Variants in AOPEP observed in about 807,000 individuals in gnomAD.
AOPEP encodes the protein aminopeptidase O (putative).
AOPEP carries 77 observed loss-of-function variants against 98.1 expected under a neutral mutation model. The observed-to-expected ratio is 0.78, with a 90% CI of 0.65 to 0.95. The LOEUF (loss-of-function observed/expected upper bound fraction) is 0.95, where lower values mean the gene tolerates loss of function less well. Ranked by LOEUF, AOPEP falls within the 40% of genes least tolerant of loss-of-function variation. The probability of loss-of-function intolerance (pLI) is 0.00; values close to 1 mark genes in which losing one functional copy is unlikely to be tolerated. For missense variants in AOPEP, 1,024 were observed against 1,024.7 expected, an observed-to-expected ratio of 1.00 and a Z score of 0.01; for synonymous variants, 346 against 365.3, an observed-to-expected ratio of 0.95 and a Z score of 0.60.
intron 4 of AOPEP, among the ~76,000 whole-genome samples, chr9:94,799,435 G>T (rs1259091309): frequency 3.3e-5 from 5 of 151,698 alleles, no homozygotes; most frequent in Admixed American, 6.6e-5. Flanking sequence ...GATGTGGCAT[G>T]GCAACATGCC....
At chr9:95,085,935 G>A in intron 16 of AOPEP, 1 of 1,300,884 alleles carries the variant, frequency 7.7e-7, no homozygotes, top group Non-Finnish European at 1.0e-6. Flanking sequence ...TGCAGTCCAG[G>A]CCTTCGCGTC....
the AOPEP span, among the ~76,000 whole-genome samples, chr9:95,139,236 C>A: frequency 6.6e-6 from 1 of 152,100 alleles, no homozygotes; most frequent in African/African-American, 2.4e-5. Context: ...GGAAACGCAC[C>A]GACGTGGTCT....
chr9:94,986,647 G>T (rs913072969), intron 11 of AOPEP, among the ~76,000 whole-genome samples: 3 of 152,110 alleles, frequency 2.0e-5, no homozygotes, highest in Non-Finnish European at 2.9e-5. Flanking sequence ...TGTGGGAAGG[G>T]TCCATTCCCC....
At chr9:95,054,879 T>C (rs1490074451) in intron 13 of AOPEP, among the ~76,000 whole-genome samples, 1 of 152,248 alleles carries the variant, frequency 6.6e-6, no homozygotes, top group Non-Finnish European at 1.5e-5. Context: ...ATTGATTTTC[T>C]TTATTTTGAA....
At chr9:94,776,736 C>T (rs1842189530) in intron 3 of AOPEP, among the ~76,000 whole-genome samples, 1 of 152,192 alleles carries the variant, frequency 6.6e-6, no homozygotes, top group Non-Finnish European at 1.5e-5. Flanking sequence ...CACCCATATT[C>T]TCCAGTTTTA....
At chr9:95,035,401 T>C (rs1456566794) in intron 13 of AOPEP, among the ~76,000 whole-genome samples, 1 of 151,778 alleles carries the variant, frequency 6.6e-6, no homozygotes, top group Non-Finnish European at 1.5e-5. Context: ...TCTTGAAAAA[T>C]CTAAGTAAAG....
chr9:95,029,569 G>A (rs373417255), intron 13 of AOPEP, among the ~76,000 whole-genome samples: 2 of 152,230 alleles, frequency 1.3e-5, no homozygotes, highest in South Asian at 2.1e-4. Flanking sequence ...TTTGAGAGAC[G>A]CCATGTGTTA....
At chr9:94,854,393 C>A (rs978637389) in intron 5 of AOPEP, among the ~76,000 whole-genome samples, 1 of 152,212 alleles carries the variant, frequency 6.6e-6, no homozygotes, top group South Asian at 2.1e-4. Flanking sequence ...AAGGCCATTT[C>A]TATTATTTAG....
At chr9:95,106,629 T>C in the AOPEP span, among the ~76,000 whole-genome samples, 1 of 152,214 alleles carries the variant, frequency 6.6e-6, no homozygotes, top group South Asian at 2.1e-4. Context: ...TTCTTTGTAA[T>C]AAACCAATTT....
chr9:95,105,619 C>T, the AOPEP span, among the ~76,000 whole-genome samples: 80 of 152,302 alleles, frequency 5.3e-4, no homozygotes, highest in African/African-American at 1.9e-3. Context: ...TGGCCGTCTC[C>T]TGCCCCTTTC....
intron 5 of AOPEP, among the ~76,000 whole-genome samples, chr9:94,839,844 C>G (rs994710932): frequency 6.6e-6 from 1 of 152,124 alleles, no homozygotes; most frequent in Non-Finnish European, 1.5e-5. Flanking sequence ...TGATAGCTCA[C>G]TACAGTGTCA....
chr9:95,100,430 A>C, the AOPEP span: 1 of 231,406 alleles, frequency 4.3e-6, no homozygotes, highest in Non-Finnish European at 8.6e-6. Context: ...CTTCTAATCC[A>C]GCAAAACTTT....
intron 5 of AOPEP, among the ~76,000 whole-genome samples, chr9:94,894,435 T>C (rs763093363): frequency 6.6e-6 from 1 of 152,200 alleles, no homozygotes; most frequent in South Asian, 2.1e-4. Flanking sequence ...TTGTGAACTT[T>C]TCAGCAAAGA....
chr9:95,059,866 C>A (rs2067171984), intron 13 of AOPEP, among the ~76,000 whole-genome samples: 1 of 152,190 alleles, frequency 6.6e-6, no homozygotes, highest in Non-Finnish European at 1.5e-5. Context: ...CAAATTGATT[C>A]TTCCTCCAGT....
At chr9:94,913,395 T>G (rs2052363359) in intron 5 of AOPEP, among the ~76,000 whole-genome samples, 1 of 152,204 alleles carries the variant, frequency 6.6e-6, no homozygotes, top group South Asian at 2.1e-4. Context: ...AGGATGACCA[T>G]CTGTCACATA....
chr9:94,803,369 A>G (rs1458485134), intron 5 of AOPEP, among the ~76,000 whole-genome samples: 2 of 152,222 alleles, frequency 1.3e-5, no homozygotes, highest in Admixed American at 6.5e-5. Context: ...GGCAAATGAT[A>G]TTAAACATTC....
At chr9:95,103,043 T>C in the AOPEP span, among the ~76,000 whole-genome samples, 32 of 152,282 alleles carry the variant, frequency 2.1e-4, no homozygotes, top group African/African-American at 7.0e-4. Context: ...ATAGTGCTGA[T>C]GGCCTTCGGT....
the AOPEP span, among the ~76,000 whole-genome samples, chr9:95,116,891 A>G: frequency 2.6e-5 from 4 of 152,214 alleles, no homozygotes; most frequent in African/African-American, 9.6e-5. Flanking sequence ...GCATTTCCTC[A>G]GCTTCATCCA....
the AOPEP span, among the ~76,000 whole-genome samples, chr9:95,132,689 T>TA: frequency 6.6e-6 from 1 of 152,186 alleles, no homozygotes; most frequent in Non-Finnish European, 1.5e-5. Flanking sequence ...TTTTAGATGT[T>TA]AAATACATAC....
Sources: gnomAD v4.1 joint callset for allele counts (sites outside exome capture counted in the v4.1 genomes callset) on GRCh38, gnomAD v4.1.1 for gene constraint, MANE v1.5 for transcripts, NCBI Gene and HGNC (gene_info 2026-07-23, HGNC 2026-07-21) for gene names.